The following GPHN variants were observed in gnomAD, a reference collection of about 807,000 sequenced individuals.
GPHN encodes the protein gephyrin.
Under a neutral mutation model 95.5 loss-of-function variants are expected in GPHN, and 17 were observed. The observed-to-expected ratio is 0.18, with a 90% CI of 0.12 to 0.27. The LOEUF (loss-of-function observed/expected upper bound fraction) is 0.27. Among genes scored for constraint, GPHN ranks in the 10% least tolerant of loss-of-function variants. GPHN has a pLI of 1.00. For synonymous variants in GPHN, 320 were observed against 322.5 expected (o/e 0.99, Z 0.08); for missense variants, 660 against 978.1 (o/e 0.67, Z 4.34).
chr14:67,162,714 A>G (rs2082041682), intron 19 of GPHN, among the ~76,000 whole-genome samples: 2 of 152,230 alleles, frequency 1.3e-5, no homozygotes, highest in Admixed American at 6.5e-5. Context: ...CTAAAACAGC[A>G]AAGAATCAGG....
At chr14:66,776,284 A>G (rs999656053) in intron 2 of GPHN, among the ~76,000 whole-genome samples, 180 bp from the exon 3 acceptor site, 7 of 152,092 alleles carry the variant, frequency 4.6e-5, no homozygotes, top group Non-Finnish European at 1.0e-4. Flanking sequence ...GTCATTCATT[A>G]TCTACCTCTT....
In GPHN at chr14:66,813,559, C is replaced by T. The variant is rs115337457; in HGVS notation, c.202-10915C>T. Among the ~76,000 whole-genome samples the T allele has an allele frequency of 4.9e-3, 753 of 152,314 alleles. 10 individuals are homozygous for T. The highest frequency in any genetic ancestry group is 0.018 in the African/African-American group (733 of 41,550). ...CTGGAACCCCAGCAGGAGGGGACCCCTCAACCACCACAGACACGTGAGGTG... is the reference window on the plus strand; with the variant it reads ...CTGGAACCCCAGCAGGAGGGGACCCTTCAACCACCACAGACACGTGAGGTG... On this transcript the variant is annotated intron_variant, in intron 3 of 22. Coordinates refer to ENST00000478722, the MANE Select transcript of GPHN (RefSeq NM_020806.5).
chr14:67,320,411 C>T, the GPHN span: 2 of 1,578,970 alleles, frequency 1.3e-6, no homozygotes, highest in African/African-American at 1.4e-5. Context: ...AGTTTGAATG[C>T]ATTCCCATTT....
the GPHN span, among the ~76,000 whole-genome samples, chr14:67,428,758 G>A: frequency 6.6e-6 from 1 of 152,184 alleles, no homozygotes; most frequent in Admixed American, 6.5e-5. Flanking sequence ...AGGCTTGAGG[G>A]CCTGGCCTCC....
At chr14:67,030,410 A>G (rs2074138935) in intron 10 of GPHN, among the ~76,000 whole-genome samples, 1 of 152,128 alleles carries the variant, frequency 6.6e-6, no homozygotes, top group Non-Finnish European at 1.5e-5. Flanking sequence ...TAACCCTTAA[A>G]TGGCTCCTTA....
At chr14:66,998,877 TAAA>T (rs55936517) in intron 9 of GPHN, among the ~76,000 whole-genome samples, 8 of 143,640 alleles carry the variant, frequency 5.6e-5, no homozygotes, top group African/African-American at 1.0e-4. Context: ...GGTCCCTTTG[TAAA>T]AAAAAAAAAT....
At chr14:66,933,382 A>G (rs546249185) in intron 8 of GPHN, among the ~76,000 whole-genome samples, 4 of 152,338 alleles carry the variant, frequency 2.6e-5, no homozygotes, top group Non-Finnish European at 5.9e-5. Flanking sequence ...ATGTGAGAAC[A>G]GTCATTTGGA....
chr14:66,559,900 T>C (rs1021581363), intron 1 of GPHN, among the ~76,000 whole-genome samples: 1 of 152,198 alleles, frequency 6.6e-6, no homozygotes, highest in Admixed American at 6.5e-5. Flanking sequence ...TTAATCCATC[T>C]TGAATTAATT....
At position 66,508,600 on chromosome 14, in the gene GPHN, GGGA is replaced by G. The variant is rs756321471; in HGVS notation, c.64+15_64+17del. The G allele has an allele frequency of 1.9e-6, 3 of 1,611,272 alleles. No individual in the cohort carries two copies. The highest frequency in any genetic ancestry group is 2.5e-6 in the Non-Finnish European group (3 of 1,177,356). ...TGTCGGAGTCCTTACAGGTAACCGG[GGGA>G]GGAGGTCTGGGACCTATGAGGCTGC... is the stretch of plus-strand genomic sequence containing the variant. On this transcript the variant is annotated intron_variant, in intron 1 of 22. Transcript: ENST00000478722.
the GPHN span, among the ~76,000 whole-genome samples, chr14:67,657,960 G>A: frequency 6.6e-6 from 1 of 151,888 alleles, no homozygotes; most frequent in Non-Finnish European, 1.5e-5. Context: ...TGTTGGCCAG[G>A]CTGGTCTCGA....
At chr14:67,358,643 T>C in the GPHN span, among the ~76,000 whole-genome samples, 1 of 152,194 alleles carries the variant, frequency 6.6e-6, no homozygotes, top group Non-Finnish European at 1.5e-5. Flanking sequence ...GAGGCTGCTG[T>C]GAGCTCTGAT....
At chr14:66,915,888 T>C in intron 5 of GPHN, 115 bp from the exon 6 acceptor site, 1 of 739,238 alleles carries the variant, frequency 1.4e-6, no homozygotes, top group South Asian at 1.5e-5. Context: ...ATAACACTTT[T>C]ATTCCTAAAA....
At chr14:66,944,390 C>T (rs1233710592) in intron 8 of GPHN, among the ~76,000 whole-genome samples, 1 of 152,210 alleles carries the variant, frequency 6.6e-6, no homozygotes, top group Non-Finnish European at 1.5e-5. Context: ...TGGTTACAGG[C>T]TTTGCTCCCA....
At chr14:67,349,251 G>C in the GPHN span, 1 of 760,054 alleles carries the variant, frequency 1.3e-6, no homozygotes, top group Non-Finnish European at 2.1e-6. Flanking sequence ...TCCAAAAAGG[G>C]AGAAAAGTCA....
At chr14:66,896,574 T>C (rs1258988674) in intron 5 of GPHN, among the ~76,000 whole-genome samples, 1 of 152,148 alleles carries the variant, frequency 6.6e-6, no homozygotes, top group Non-Finnish European at 1.5e-5. Context: ...GTTGTGCCAC[T>C]GCACTCGCCT....
the GPHN span, chr14:67,385,431 C>G: frequency 7.4e-6 from 1 of 135,216 alleles, no homozygotes; most frequent in Non-Finnish European, 1.5e-5. Flanking sequence ...CAGGGCAAGA[C>G]CCTGTCTCAA....
At chr14:66,700,313 GAC>G (rs999896831) in intron 2 of GPHN, among the ~76,000 whole-genome samples, 10 of 152,148 alleles carry the variant, frequency 6.6e-5, no homozygotes, top group African/African-American at 2.4e-4. Flanking sequence ...TTTTATTTTT[GAC>G]ACACATACTG....
the GPHN span, among the ~76,000 whole-genome samples, chr14:67,698,033 T>C: frequency 1.3e-5 from 2 of 149,114 alleles, no homozygotes; most frequent in Non-Finnish European, 3.0e-5. Context: ...TCAGGAGATA[T>C]TCACAGGACT....
chr14:67,263,547 C>G, the GPHN span, among the ~76,000 whole-genome samples: 1 of 152,320 alleles, frequency 6.6e-6, no homozygotes, highest in Admixed American at 6.5e-5. Context: ...GATTTTCCCT[C>G]TCTTCTCTTA....
Sources: gnomAD v4.1 joint callset for allele counts (sites outside exome capture counted in the v4.1 genomes callset) on GRCh38, gnomAD v4.1.1 for gene constraint, MANE v1.5 for transcripts, NCBI Gene and HGNC (gene_info 2026-07-23, HGNC 2026-07-21) for gene names.